Variants in ZFHX3 observed in about 807,000 individuals in gnomAD.
ZFHX3 encodes the protein zinc finger homeobox protein 3.
ZFHX3 carries 42 observed loss-of-function variants against 279.1 expected under a neutral mutation model. The ratio of observed to expected loss-of-function variants is 0.15; its 90% CI spans 0.12 to 0.19. The LOEUF (loss-of-function observed/expected upper bound fraction) is 0.19, where lower values mean the gene tolerates loss of function less well. ZFHX3 is among the 10% of genes least tolerant of loss of function. The probability of loss-of-function intolerance (pLI) is 1.00; values close to 1 mark genes in which losing one functional copy is unlikely to be tolerated. For synonymous variants in ZFHX3, 2,293 were observed against 1,957.8 expected (o/e 1.17, Z -4.52); for missense variants, 4,981 against 4,754.0 (o/e 1.05, Z -1.40).
chr16:73,154,097 G>T (rs774499431), intron 5 of ZFHX3, among the ~76,000 whole-genome samples: 1 of 152,178 alleles, frequency 6.6e-6, no homozygotes, highest in African/African-American at 2.4e-5. Context: ...GCGAAAATGT[G>T]CAATCTTTGG....
chr16:72,886,820 G>A (rs1220928416), intron 4 of ZFHX3, among the ~76,000 whole-genome samples: 1 of 152,196 alleles, frequency 6.6e-6, no homozygotes, highest in Non-Finnish European at 1.5e-5. Context: ...CTCCCCTACA[G>A]CCAGATGGCC....
At chr16:73,622,331 G>C (rs2052371052) in intron 2 of ZFHX3, among the ~76,000 whole-genome samples, 1 of 152,134 alleles carries the variant, frequency 6.6e-6, no homozygotes, top group Non-Finnish European at 1.5e-5. Flanking sequence ...GGCTCAGGCG[G>C]GTGGATCACG....
At position 73,251,698 on chromosome 16, in the gene ZFHX3, C is replaced by A. The variant is rs544754717; in HGVS notation, c.-1104+5349G>T. On this transcript the variant is annotated intron_variant, in intron 5 of 17. Coordinates refer to the ZFHX3 transcript ENST00000641206. ...CACACACATACACACCACACACACA[C>A]ATGCACACACACATACACACCACAC... Among the ~76,000 whole-genome samples the A allele has an allele frequency of 1.2e-3, 144 of 122,664 alleles. 2 individuals are homozygous for A. Among genetic ancestry groups the A allele is most frequent in the African/African-American group, 3.9e-3 (140 of 35,918 alleles). The allele number at this position is 122,664 out of a possible 152,430, so 80.5% of individuals were successfully genotyped here. A position where few individuals can be genotyped will look rare whatever the true frequency, so the allele number is the denominator to read the frequency against.
upstream of ZFHX3, among the ~76,000 whole-genome samples, chr16:73,051,232 G>A (rs1200685879): frequency 1.3e-5 from 2 of 152,046 alleles, 1 homozygote; most frequent in Non-Finnish European, 2.9e-5. Context: ...TAAATAACCC[G>A]GAGGCTTTAA....
intron 4 of ZFHX3, among the ~76,000 whole-genome samples, chr16:72,886,463 A>C (rs1379793242): frequency 1.3e-5 from 2 of 152,202 alleles, no homozygotes; most frequent in African/African-American, 2.4e-5. Flanking sequence ...CATCCACGGA[A>C]GCACTACATT....
chr16:72,803,545 T>C lies in ZFHX3; in HGVS notation c.3865-3416A>G, dbSNP rs574113784. On this transcript the variant is annotated intron_variant, in intron 7 of 9. Coordinates refer to ENST00000268489, the MANE Select transcript of ZFHX3 (RefSeq NM_006885.4). ...CAGAACAATATACATGCTTTCTCTCTGTTCCTTCTTCCCCTCTCTGGCCGC... is the reference window on the plus strand; with the variant it reads ...CAGAACAATATACATGCTTTCTCTCCGTTCCTTCTTCCCCTCTCTGGCCGC... Among the ~76,000 whole-genome samples, 9 of 152,300 alleles carry C rather than the reference T, an allele frequency of 5.9e-5. No homozygotes were observed. The South Asian group carries it at 1.9e-3, about 32-fold the overall frequency.
chr16:73,096,302 G>T lies in ZFHX3; in HGVS notation c.-896-2704C>A, dbSNP rs752299370. On this transcript the variant is annotated intron_variant, in intron 7 of 17. Coordinates refer to the ZFHX3 transcript ENST00000641206. ...GGTCTTTCATGGTCTGGGAGCTCAG[G>T]GGATCTCCCTCCATCTCGTAGGCGC... Among the ~76,000 whole-genome samples the T allele has an allele frequency of 4.6e-5, 7 of 151,684 alleles. No individual in the cohort carries two copies. The East Asian group carries it at 1.4e-3, about 29-fold the overall frequency.
At chr16:73,445,200 A>G (rs778079656) in intron 3 of ZFHX3, among the ~76,000 whole-genome samples, 2 of 151,956 alleles carry the variant, frequency 1.3e-5, no homozygotes, top group Non-Finnish European at 2.9e-5. Flanking sequence ...CTGTATATGT[A>G]TATACATAAT....
chr16:73,548,466 C>G (rs1219719695), intron 2 of ZFHX3, among the ~76,000 whole-genome samples: 2 of 146,612 alleles, frequency 1.4e-5, no homozygotes, highest in South Asian at 4.2e-4. Flanking sequence ...GGGTGTTTAG[C>G]CTTTTTTTTT....
chr16:73,721,677 G>A (rs1325061429), intron 1 of ZFHX3, among the ~76,000 whole-genome samples: 1 of 152,172 alleles, frequency 6.6e-6, no homozygotes, highest in Non-Finnish European at 1.5e-5. Context: ...ATGGACCCTG[G>A]CTCCATGAGA....
chr16:73,110,774 G>A (rs1359113269), intron 7 of ZFHX3, among the ~76,000 whole-genome samples: 1 of 152,092 alleles, frequency 6.6e-6, no homozygotes, highest in Non-Finnish European at 1.5e-5. Context: ...TTGTTGGCCA[G>A]TATGGTCTTG....
chr16:73,629,656 AAG>A (rs1225853914), intron 2 of ZFHX3, among the ~76,000 whole-genome samples: 2 of 152,112 alleles, frequency 1.3e-5, no homozygotes, highest in African/African-American at 4.8e-5. Context: ...AAAAAAAAGA[AAG>A]AAAGAAAGGA....
intron 4 of ZFHX3, among the ~76,000 whole-genome samples, chr16:73,280,791 G>A (rs974313238): frequency 1.3e-5 from 2 of 152,050 alleles, no homozygotes; most frequent in African/African-American, 4.8e-5. Context: ...AGACCAACTT[G>A]ACCAACATGG....
Position 72,950,528 on chromosome 16 carries a change from C to G in ZFHX3, c.3157G>C (p.Glu1053Gln). ...TTGACCGTGTGCAGCCGCAGCTTCT[C>G]CAGGCTGTTGGTGTAGTAGTCACAG... Reference protein sequence around the residue: ...NACDYYTNSLEKLRLHTVNSR... With the variant: ...NACDYYTNSLQKLRLHTVNSR... Residue 1053 changes from glutamate to glutamine, a missense_variant, in exon 3 of 10, where the codon GAG (glutamate) becomes CAG (glutamine). Transcript: ENST00000268489. 1 of 1,614,270 alleles carries G rather than the reference C, an allele frequency of 6.2e-7. No homozygotes were observed. The highest frequency in any genetic ancestry group is 8.5e-7 in the Non-Finnish European group (1 of 1,180,054).
At chr16:73,596,091 G>C (rs994460671) in intron 2 of ZFHX3, among the ~76,000 whole-genome samples, 2 of 151,532 alleles carry the variant, frequency 1.3e-5, no homozygotes, top group African/African-American at 4.9e-5. Flanking sequence ...TGCAATCTCG[G>C]CTCACTGCAA....
At chr16:73,215,176 T>A (rs780237919) in intron 5 of ZFHX3, among the ~76,000 whole-genome samples, 4 of 152,356 alleles carry the variant, frequency 2.6e-5, no homozygotes, top group Non-Finnish European at 5.9e-5. Context: ...CAGCATCTAC[T>A]GGGTATGACA....
chr16:73,863,350 T>A (rs542999707), intron 1 of ZFHX3, among the ~76,000 whole-genome samples: 2 of 151,952 alleles, frequency 1.3e-5, no homozygotes, highest in African/African-American at 2.4e-5. Context: ...TGGACCCAGA[T>A]GGAGGGTGAT....
intron 2 of ZFHX3, among the ~76,000 whole-genome samples, chr16:73,464,057 A>T (rs76236868): frequency 0.013 from 1,986 of 152,188 alleles, 37 homozygotes; most frequent in African/African-American, 0.045. Context: ...TTCCATTTTG[A>T]GTGTGTGTGT....
intron 3 of ZFHX3, among the ~76,000 whole-genome samples, chr16:73,384,721 T>C (rs2016869777): frequency 6.6e-6 from 1 of 152,226 alleles, no homozygotes; most frequent in African/African-American, 2.4e-5. Context: ...TCCTGTTTAG[T>C]TCATCAACAG....
Sources: gnomAD v4.1 joint callset for allele counts (sites outside exome capture counted in the v4.1 genomes callset) on GRCh38, gnomAD v4.1.1 for gene constraint, MANE v1.5 for transcripts, NCBI Gene and HGNC (gene_info 2026-07-23, HGNC 2026-07-21) for gene names.